Variants in GRK1 observed in about 807,000 individuals in gnomAD.
GRK1 encodes the protein rhodopsin kinase GRK1.
In GRK1, 28 loss-of-function variants were observed where a neutral mutation model predicts 41.7. That is an observed-to-expected ratio of 0.67 (90% CI 0.50 to 0.92). The LOEUF (loss-of-function observed/expected upper bound fraction) is 0.92. GRK1 is among the 40% of genes least tolerant of loss of function. GRK1 has a pLI of 0.00. For missense variants in GRK1, 703 were observed against 671.2 expected (o/e 1.05, Z -0.52); for synonymous variants, 327 against 286.7 (o/e 1.14, Z -1.42).
Position 113,724,603 on chromosome 13 carries a change from T to C in GRK1, c.1069+1446T>C, listed in dbSNP as rs977446774. ...CCCCAAAGTTCTGACGAAGGGCAGTTCTGTGCCCACACCCCTCATGGCTGG... is the reference window on the plus strand; with the variant it reads ...CCCCAAAGTTCTGACGAAGGGCAGTCCTGTGCCCACACCCCTCATGGCTGG... On this transcript the variant is annotated intron_variant, in intron 4 of 6. Transcript: ENST00000335678. 6.6e-5 allele frequency among the ~76,000 whole-genome samples: 10 copies of C among 152,292 alleles called. No homozygotes were observed. In the East Asian group the frequency reaches 1.9e-3, roughly 29 times the overall value.
At chr13:113,667,116 T>C (rs1175995438), upstream of GRK1, 2 of 402,808 alleles carry the variant, frequency 5.0e-6, no homozygotes, top group South Asian at 5.4e-5. The surrounding 1 kb of genome is among the most constrained non-coding windows in gnomAD (Gnocchi z 7.5). Context: ...GCTCAGGGGA[T>C]TGTCTTTTTC....
At position 113,733,879 on chromosome 13, in the gene GRK1, A is replaced by G. The variant is rs1252042661; in HGVS notation, c.1396+794A>G. ...TGTGCATACGTGTGTGCGTGTGTGC[A>G]TACGTGTGTGCGTGTGTGTATGTGT... On this transcript the variant is annotated intron_variant, in intron 6 of 6. Coordinates refer to ENST00000335678, the MANE Select transcript of GRK1 (RefSeq NM_002929.3). Among the ~76,000 whole-genome samples the G allele has an allele frequency of 4.0e-4, 31 of 78,276 alleles. 1 individual carries two copies. The highest frequency in any genetic ancestry group is 2.8e-3 in the South Asian group (9 of 3,262). The allele number at this position is 78,276 out of a possible 152,430, so 51.4% of individuals were successfully genotyped here. A position where few individuals can be genotyped will look rare whatever the true frequency, so the allele number is the denominator to read the frequency against.
chr13:113,729,101 G>A (rs1206620485), intron 4 of GRK1, among the ~76,000 whole-genome samples: 1 of 152,168 alleles, frequency 6.6e-6, no homozygotes, highest in African/African-American at 2.4e-5. Flanking sequence ...CTGAGGACTC[G>A]AGCTGAGACT....
At chr13:113,668,389 C>A (rs922179346) in intron 1 of GRK1, among the ~76,000 whole-genome samples, 1 of 152,142 alleles carries the variant, frequency 6.6e-6, no homozygotes, top group African/African-American at 2.4e-5. Context: ...GGAAAGAGGA[C>A]CTCTCAGGGG....
the GRK1 span, chr13:113,653,288 G>A: frequency 8.3e-5 from 129 of 1,554,902 alleles, no homozygotes; most frequent in Middle Eastern, 1.8e-4. Flanking sequence ...CCCACCCGCC[G>A]CTTCACACCT....
upstream of GRK1, among the ~76,000 whole-genome samples, chr13:113,666,655 C>T (rs1047871029): frequency 5.9e-5 from 9 of 152,108 alleles, no homozygotes; most frequent in Admixed American, 2.6e-4. Context: ...GCAACTGCCT[C>T]TTGACAATCC....
rs73579342 is a variant in GRK1, at chr13:113,667,548, C to T, written c.162C>T (p.Leu54=). 1,039 of 1,613,600 alleles carry T rather than the reference C, an allele frequency of 6.4e-4. 7 individuals are homozygous for T. In the African/African-American group the frequency reaches 0.012, roughly 18 times the overall value. The change falls in exon 1 of 7, where the codon CTC becomes CTT. Residue 54 remains leucine, a synonymous_variant. Coordinates refer to ENST00000335678, the MANE Select transcript of GRK1 (RefSeq NM_002929.3). The surrounding 1 kb of genome is among the most constrained non-coding windows in gnomAD (Gnocchi z 7.5). Reference sequence around the variant, plus strand: ...AGTGTGAGTCCCTCCGCGACAGCCTCAGCCTGGAGTTTGAGAGTGTGTGCT... The same window carrying T: ...AGTGTGAGTCCCTCCGCGACAGCCTTAGCCTGGAGTTTGAGAGTGTGTGCT... ...LSKCESLRDS[L]SLEFESVCLE...
intron 6 of GRK1, 111 bp from the exon 7 acceptor site, chr13:113,734,957 G>A (rs528140861): frequency 2.8e-6 from 3 of 1,068,482 alleles, no homozygotes; most frequent in Non-Finnish European, 3.9e-6. Context: ...AAGGAAGAGC[G>A]GCCCCAGGCC....
At chr13:113,724,950 C>CCA (rs2049881748) in intron 4 of GRK1, among the ~76,000 whole-genome samples, 1 of 152,218 alleles carries the variant, frequency 6.6e-6, no homozygotes, top group Admixed American at 6.5e-5. Context: ...TGGAAAGGGC[C>CCA]CAGCTTCCAG....
chr13:113,658,028 C>G, the GRK1 span: 2 of 1,594,520 alleles, frequency 1.3e-6, no homozygotes, highest in Non-Finnish European at 1.7e-6. Flanking sequence ...GCCCCCCGCA[C>G]GTACCCCACC....
Position 113,667,566 on chromosome 13 carries a change from T to C in GRK1, c.180T>C (p.Ser60=), listed in dbSNP as rs761594452. Reference sequence around the variant, plus strand: ...ACAGCCTCAGCCTGGAGTTTGAGAGTGTGTGCTTGGAGCAGCCCATCGGCA... The same window carrying C: ...ACAGCCTCAGCCTGGAGTTTGAGAGCGTGTGCTTGGAGCAGCCCATCGGCA... The part of the protein sequence containing the change: ...LRDSLSLEFE[S]VCLEQPIGKK... Residue 60 remains serine (S), a synonymous_variant, in exon 1 of 7, where the codon AGT becomes AGC. Coordinates refer to ENST00000335678, the MANE Select transcript of GRK1 (RefSeq NM_002929.3). This position sits in a 1 kb window ranked among gnomAD's most constrained non-coding sequence, Gnocchi z 7.5. 8 of 1,613,328 alleles carry C rather than the reference T, an allele frequency of 5.0e-6. No individual in the cohort carries two copies. Among genetic ancestry groups the C allele is most frequent in the Non-Finnish European group, 6.8e-6 (8 of 1,179,824 alleles).
chr13:113,667,889 G>T lies in GRK1; in HGVS notation c.503G>T (p.Ser168Ile). ...GCCCCCTTCCAGGAGTACCTGGGCAGCCTGTACTTCCTGAGGTTCCTGCAG... is the reference window on the plus strand; with the variant it reads ...GCCCCCTTCCAGGAGTACCTGGGCATCCTGTACTTCCTGAGGTTCCTGCAG... ...GQAPFQEYLG[S>I]LYFLRFLQWK... The change falls in exon 1 of 7, where the codon AGC becomes ATC. Residue 168 changes from serine (S) to isoleucine (I), a missense_variant. Ser to Ile is a moderately radical substitution (Grantham distance 142). Coordinates refer to ENST00000335678, the MANE Select transcript of GRK1 (RefSeq NM_002929.3). This position sits in a 1 kb window ranked among gnomAD's most constrained non-coding sequence, Gnocchi z 7.5. The T allele has an allele frequency of 6.3e-7, 1 of 1,599,416 alleles. No individual in the cohort carries two copies. The highest frequency in any genetic ancestry group is 2.3e-5 in the East Asian group (1 of 44,394).
chr13:113,731,004 T>C lies in GRK1; in HGVS notation c.1070-215T>C, dbSNP rs2049932797. On this transcript the variant is annotated intron_variant, in intron 4 of 6. Transcript: ENST00000335678. The surrounding 1 kb of genome is among the most constrained non-coding windows in gnomAD (Gnocchi z 5.6). ...ATTTTTGGTTGTCACAGCCTGGGGG[T>C]GCTGCTGTCACCCCACAGGCAGAGT... Among the ~76,000 whole-genome samples the C allele has an allele frequency of 1.3e-5, 2 of 151,962 alleles. No homozygotes were observed. Among genetic ancestry groups the C allele is most frequent in the Admixed American group, 1.3e-4 (2 of 15,260 alleles).
chr13:113,663,708 T>C (rs990238890), upstream of GRK1, among the ~76,000 whole-genome samples: 9 of 152,114 alleles, frequency 5.9e-5, no homozygotes, highest in Non-Finnish European at 1.3e-4. Flanking sequence ...TGGAAAGGTG[T>C]TCTTCCACCA....
At chr13:113,659,436 C>T in the GRK1 span, among the ~76,000 whole-genome samples, 9 of 152,174 alleles carry the variant, frequency 5.9e-5, no homozygotes, top group Non-Finnish European at 1.3e-4. Flanking sequence ...TAACCAAATT[C>T]ATTTCTTAGA....
chr13:113,668,250 C>T (rs945719543), intron 1 of GRK1, among the ~76,000 whole-genome samples, 165 bp downstream of exon 1: 3 of 152,218 alleles, frequency 2.0e-5, no homozygotes, highest in Non-Finnish European at 4.4e-5. Context: ...CGCGGCCGTG[C>T]GGTTACGAGC....
chr13:113,724,357 T>A (rs2049876890), intron 4 of GRK1, among the ~76,000 whole-genome samples: 1 of 152,240 alleles, frequency 6.6e-6, no homozygotes, highest in Non-Finnish European at 1.5e-5. Context: ...TCGGGCTCAC[T>A]TCTGCTGGGA....
chr13:113,670,949 GCCT>G (rs1440646134), intron 2 of GRK1, among the ~76,000 whole-genome samples: 6 of 151,890 alleles, frequency 4.0e-5, no homozygotes, highest in Non-Finnish European at 7.4e-5. Context: ...TGGCTCCAGG[GCCT>G]CCTCTCCTGT....
At chr13:113,732,418 C>T (rs1156644676) in intron 5 of GRK1, among the ~76,000 whole-genome samples, 1 of 152,200 alleles carries the variant, frequency 6.6e-6, no homozygotes, top group African/African-American at 2.4e-5. Context: ...CGTCAATGGC[C>T]TGATCCGGGG....
Sources: gnomAD v4.1 joint callset for allele counts (sites outside exome capture counted in the v4.1 genomes callset) on GRCh38, gnomAD v4.1.1 for gene constraint, Gnocchi (gnomAD v3.1) non-coding constraint, MANE v1.5 for transcripts, NCBI Gene and HGNC (gene_info 2026-07-23, HGNC 2026-07-21) for gene names.